The following TSGA13 variants were observed in gnomAD, a reference collection of about 807,000 sequenced individuals.
TSGA13 encodes the protein testis specific 13.
TSGA13 carries 37 observed loss-of-function variants against 35.1 expected under a neutral mutation model. That is an observed-to-expected ratio of 1.05 (90% CI 0.81 to 1.39). TSGA13 has a LOEUF of 1.39. TSGA13 is among the 40% of genes most tolerant of loss of function. The probability of loss-of-function intolerance (pLI) is 0.00; values close to 1 mark genes in which losing one functional copy is unlikely to be tolerated. For synonymous variants in TSGA13, 124 were observed against 121.2 expected (o/e 1.02, Z -0.15); for missense variants, 338 against 328.5 (o/e 1.03, Z -0.22).
At position 130,669,025 on chromosome 7, in the gene TSGA13, C is replaced by G; in HGVS notation, c.817G>C (p.Val273Leu). The G allele has an allele frequency of 6.2e-7, 1 of 1,614,160 alleles. No homozygotes were observed. Among genetic ancestry groups the G allele is most frequent in the Non-Finnish European group, 8.5e-7 (1 of 1,180,020 alleles). Residue 273 changes from valine to leucine, a missense_variant, in exon 8 of 8, where the codon GTC becomes CTC. By Grantham distance (32) the Val-to-Leu change is conservative (BLOSUM62 1). Coordinates refer to ENST00000356588, the MANE Select transcript of TSGA13 (RefSeq NM_052933.4). ...APQWIIKKAT[V>L]IG Reference sequence around the variant, plus strand: ...TGAGGGGTCTGTGTTCACCCGATGACCGTGGCCTTTTTGATAATCCACTGC... The same window carrying G: ...TGAGGGGTCTGTGTTCACCCGATGAGCGTGGCCTTTTTGATAATCCACTGC...
At chr7:130,678,346 T>A (rs1308720956) in intron 5 of TSGA13, among the ~76,000 whole-genome samples, 1 of 150,348 alleles carries the variant, frequency 6.7e-6, no homozygotes, top group Non-Finnish European at 1.5e-5. Flanking sequence ...GCCACTGTAC[T>A]CCAGCCTGAG....
At chr7:130,674,331 C>T (rs1796361913) in intron 5 of TSGA13, among the ~76,000 whole-genome samples, 1 of 151,556 alleles carries the variant, frequency 6.6e-6, no homozygotes, top group Non-Finnish European at 1.5e-5. Flanking sequence ...TGTCACCACG[C>T]CCAGTTAATT....
Position 130,685,343 on chromosome 7 carries a change from C to T in TSGA13, c.-133G>A. The T allele has an allele frequency of 6.6e-7, 1 of 1,505,330 alleles. No homozygotes were observed. Among genetic ancestry groups the T allele is most frequent in the Non-Finnish European group, 9.0e-7 (1 of 1,111,434 alleles). 93.2% of individuals were successfully genotyped at this position (1,505,330 alleles called of 1,614,324 possible). A position where few individuals can be genotyped will look rare whatever the true frequency, so the allele number is the denominator to read the frequency against. On this transcript the variant is annotated 5_prime_UTR_variant, in exon 2 of 8. An upstream start codon of the reference 5' UTR is lost. Coordinates refer to ENST00000356588, the MANE Select transcript of TSGA13 (RefSeq NM_052933.4). ...CTTTCCTTAGCACACAGTGTGTACT[C>T]ATGCCCCATTCTTGAGCCTGTATGG... is the stretch of plus-strand genomic sequence containing the variant.
chr7:130,669,271 TGGAG>T (rs1584627358), intron 7 of TSGA13, 88 bp from the exon 8 acceptor site: 1 of 1,525,170 alleles, frequency 6.6e-7, no homozygotes, highest in African/African-American at 1.4e-5. Context: ...GAGACGCACT[TGGAG>T]GGACCAGAGG....
intron 5 of TSGA13, among the ~76,000 whole-genome samples, chr7:130,676,932 G>A (rs1196281243): frequency 2.0e-5 from 3 of 146,764 alleles, no homozygotes; most frequent in Non-Finnish European, 3.0e-5. Flanking sequence ...TCCCTCTGTC[G>A]CCCAGGCTGG....
In TSGA13 at chr7:130,672,633, C is replaced by G; in HGVS notation, c.530+101G>C. The G allele has an allele frequency of 2.0e-6, 3 of 1,482,618 alleles. No homozygotes were observed. In the South Asian group the frequency reaches 4.0e-5, roughly 20 times the overall value. The allele number at this position is 1,482,618 out of a possible 1,614,324, so 91.8% of individuals were successfully genotyped here. On this transcript the variant is annotated intron_variant, in intron 6 of 7. Coordinates refer to ENST00000356588, the MANE Select transcript of TSGA13 (RefSeq NM_052933.4). ...AAAGTCGTGTCTTACTATCTTTGTA[C>G]GACCAAAGAATATGTCATTAAATTG...
rs1796405837 is a variant in TSGA13 at position 130,676,116 on chromosome 7, TG to T, written c.387+3038del. Among the ~76,000 whole-genome samples the T allele has an allele frequency of 3.9e-5, 6 of 152,384 alleles. No homozygotes were observed. In the South Asian group the frequency reaches 1.2e-3, roughly 32 times the overall value. ...TGCCTACTAGAACTCACAGTCTTTT[TG>T]GATGCATGCCTGGGCATAACAAAGA... On this transcript the variant is annotated intron_variant, in intron 5 of 7. Transcript: ENST00000356588.
At chr7:130,680,507 G>GAA (rs5887470) in intron 4 of TSGA13, among the ~76,000 whole-genome samples, 1 of 119,024 alleles carries the variant, frequency 8.4e-6, no homozygotes. Flanking sequence ...CTCCATCTCA[G>GAA]AAAAAAAAAA....
chr7:130,679,443 C>G lies in TSGA13; in HGVS notation c.175-76G>C, dbSNP rs1369713405. ...AGGTTAACAAATCGGTTGGCTGATA[C>G]TTAGCCTCTGTGGGGTAAGAACAGA... On this transcript the variant is annotated intron_variant, in intron 4 of 7. Coordinates refer to ENST00000356588, the MANE Select transcript of TSGA13 (RefSeq NM_052933.4). 6 of 1,282,324 alleles carry G rather than the reference C, an allele frequency of 4.7e-6. No individual in the cohort carries two copies. In the African/African-American group the frequency reaches 8.9e-5, roughly 19 times the overall value. The allele number at this position is 1,282,324 out of a possible 1,614,324, so 79.4% of individuals were successfully genotyped here.
chr7:130,671,490 C>A (rs1249236232), intron 7 of TSGA13, among the ~76,000 whole-genome samples, 171 bp downstream of exon 7: 2 of 152,150 alleles, frequency 1.3e-5, no homozygotes, highest in Non-Finnish European at 2.9e-5. Context: ...GGGTCCAGAG[C>A]TTTGCACCTT....
In TSGA13 at chr7:130,669,001, G is replaced by T; in HGVS notation, c.*13C>A. Reference sequence around the variant, plus strand: ...CTCAAGAGAGCGAGGCGGGAGGACTGAGGGGTCTGTGTTCACCCGATGACC... The same window carrying T: ...CTCAAGAGAGCGAGGCGGGAGGACTTAGGGGTCTGTGTTCACCCGATGACC... On this transcript the variant is annotated 3_prime_UTR_variant, in exon 8 of 8. Transcript: ENST00000356588. The T allele has an allele frequency of 1.2e-6, 2 of 1,613,592 alleles. No individual in the cohort carries two copies. The highest frequency in any genetic ancestry group is 1.7e-6 in the Non-Finnish European group (2 of 1,179,818).
At position 130,685,292 on chromosome 7, in the gene TSGA13, C is replaced by T; in HGVS notation, c.-82G>A. ...AGGTCTCTAAATAGTCCACGTTCTG[C>T]AGGGGTTCAATTCAATCCAAATATT... On this transcript the variant is annotated 5_prime_UTR_variant, in exon 2 of 8. Transcript: ENST00000356588. 1.9e-6 allele frequency: 3 copies of T among 1,596,792 alleles called. No individual in the cohort carries two copies. Among genetic ancestry groups the T allele is most frequent in the Non-Finnish European group, 2.6e-6 (3 of 1,165,614 alleles).
intron 6 of TSGA13, among the ~76,000 whole-genome samples, 187 bp from the exon 7 acceptor site, chr7:130,671,975 C>T (rs782591657): frequency 6.6e-6 from 1 of 152,040 alleles, no homozygotes; most frequent in Non-Finnish European, 1.5e-5. Context: ...ACTGCAACCT[C>T]TGCCTCCCAG....
At position 130,679,342 on chromosome 7, in the gene TSGA13, G is replaced by A; in HGVS notation, c.200C>T (p.Ala67Val). The A allele has an allele frequency of 6.2e-7, 1 of 1,613,012 alleles. No homozygotes were observed. The highest frequency in any genetic ancestry group is 8.5e-7 in the Non-Finnish European group (1 of 1,179,490). The part of the protein sequence containing the change: ...NLAQYYKPLK[A>V]TALQKFLAQN... ...AGCCAGGAATTTCTGCAGGGCAGTG[G>A]CCTTCAAAGGCTTATAGTACTGGGC... The change falls in exon 5 of 8, where the codon GCC (alanine) becomes GTC (valine). Residue 67 changes from alanine (A) to valine (V), a missense_variant. By Grantham distance (64) the Ala-to-Val change is moderately conservative. Transcript: ENST00000356588.
chr7:130,680,261 C>T (rs1165741710), intron 4 of TSGA13, among the ~76,000 whole-genome samples: 1 of 152,206 alleles, frequency 6.6e-6, no homozygotes, highest in Non-Finnish European at 1.5e-5. Flanking sequence ...AATCCCAGCA[C>T]TTTGGGAGGC....
Position 130,668,757 on chromosome 7 carries a change from C to G in TSGA13, c.*257G>C. ...GAAGAGGCTGCAGGAAGGCCGGCCC[C>G]GCGCTCTCACGCCGGTTGGGCCGCC... On this transcript the variant is annotated 3_prime_UTR_variant, in exon 8 of 8. Transcript: ENST00000356588. The G allele has an allele frequency of 7.0e-7, 1 of 1,434,482 alleles. No individual in the cohort carries two copies. The highest frequency in any genetic ancestry group is 9.3e-7 in the Non-Finnish European group (1 of 1,073,064). 88.9% of individuals were successfully genotyped at this position (1,434,482 alleles called of 1,614,324 possible). A position where few individuals can be genotyped will look rare whatever the true frequency, so the allele number is the denominator to read the frequency against.
chr7:130,673,724 T>C (rs1336859880), intron 5 of TSGA13, among the ~76,000 whole-genome samples: 2 of 152,172 alleles, frequency 1.3e-5, no homozygotes, highest in Admixed American at 1.3e-4. Context: ...TTCTAACTAA[T>C]GTGCGGCAAT....
intron 5 of TSGA13, among the ~76,000 whole-genome samples, chr7:130,674,169 C>CTTTTTTTTTTTTTTT (rs1162370815): frequency 2.0e-5 from 2 of 98,416 alleles, no homozygotes; most frequent in Non-Finnish European, 3.9e-5. Context: ...TTCTTTTTTT[C>CTTTTTTTTTTTTTTT]TTTTTTTTTT....
intron 5 of TSGA13, among the ~76,000 whole-genome samples, chr7:130,673,667 G>C (rs1299366338): frequency 6.6e-6 from 1 of 152,034 alleles, no homozygotes; most frequent in African/African-American, 2.4e-5. Context: ...ATGGCATTGG[G>C]TTCCTTTTTC....
Sources: gnomAD v4.1 joint callset for allele counts (sites outside exome capture counted in the v4.1 genomes callset) on GRCh38, gnomAD v4.1.1 for gene constraint, MANE v1.5 for transcripts, NCBI Gene and HGNC (gene_info 2026-07-23, HGNC 2026-07-21) for gene names.